Variants in BTBD9 observed in about 807,000 individuals in gnomAD.
The protein encoded by BTBD9 is BTB domain containing 9.
BTBD9 carries 49 observed loss-of-function variants against 64.3 expected under a neutral mutation model. That is an observed-to-expected ratio of 0.76 (90% confidence interval 0.61 to 0.97). The LOEUF (loss-of-function observed/expected upper bound fraction) is 0.97. BTBD9 is among the 50% of genes least tolerant of loss of function. The pLI is 0.00. For missense variants in BTBD9, 598 were observed against 762.1 expected (o/e 0.78, Z 2.53); for synonymous variants, 260 against 274.7 (o/e 0.95, Z 0.53).
intron 6 of BTBD9, among the ~76,000 whole-genome samples, chr6:38,486,070 C>A (rs1428448044): frequency 6.6e-6 from 1 of 152,158 alleles, no homozygotes; most frequent in Non-Finnish European, 1.5e-5. Context: ...ATGAATCAAC[C>A]TCTGCTAGCT....
intron 10 of BTBD9, chr6:38,179,799 G>A (rs1761465131): frequency 2.2e-6 from 1 of 456,684 alleles, no homozygotes; most frequent in African/African-American, 2.0e-5. Context: ...AGAGGTGTGT[G>A]AGAAACTAAT....
At chr6:38,315,470 GT>G (rs370701845) in intron 7 of BTBD9, among the ~76,000 whole-genome samples, 8 of 146,654 alleles carry the variant, frequency 5.5e-5, no homozygotes, top group East Asian at 4.0e-4. Context: ...CACAGTTTTG[GT>G]TTTTTTTTTA....
chr6:38,552,765 A>T (rs1023944880), intron 6 of BTBD9, among the ~76,000 whole-genome samples: 1 of 152,058 alleles, frequency 6.6e-6, no homozygotes. Context: ...AAAAAAAAAA[A>T]AAAGAAAGAG....
chr6:38,453,637 A>C (rs751032961), intron 6 of BTBD9, among the ~76,000 whole-genome samples: 1 of 152,172 alleles, frequency 6.6e-6, no homozygotes, highest in African/African-American at 2.4e-5. Flanking sequence ...CACCCCCCTG[A>C]GGACAGCCTG....
chr6:38,317,592 CT>C (rs1447854831), intron 7 of BTBD9, among the ~76,000 whole-genome samples: 1 of 152,178 alleles, frequency 6.6e-6, no homozygotes, highest in Non-Finnish European at 1.5e-5. Context: ...CTTTTTACCC[CT>C]ATCTCTACCT....
chr6:38,377,701 G>T (rs80353482), intron 6 of BTBD9, among the ~76,000 whole-genome samples: 1 of 152,132 alleles, frequency 6.6e-6, no homozygotes, highest in African/African-American at 2.4e-5. Flanking sequence ...ATTTGAGAAG[G>T]TTATTTTTTA....
At chr6:38,458,590 T>C (rs1769926533) in intron 6 of BTBD9, among the ~76,000 whole-genome samples, 1 of 152,182 alleles carries the variant, frequency 6.6e-6, no homozygotes, top group Non-Finnish European at 1.5e-5. Context: ...CAGCAAAAAC[T>C]AGAATAGACA....
Position 38,182,427 on chromosome 6 carries a change from GAA to G in BTBD9, c.1642-7247_1642-7246del, listed in dbSNP as rs199854541. The stretch of plus-strand genomic sequence containing the variant: ...TTTAGTTATTTTTTTGAAAAACTAA[GAA>G]ACAAAAAAAGGGAAGTGTTCTTGTT... On this transcript the variant is annotated intron_variant, in intron 10 of 10. Coordinates refer to ENST00000481247, the MANE Select transcript of BTBD9 (RefSeq NM_001099272.2). Among the ~76,000 whole-genome samples, 637 of 152,140 alleles carry G rather than the reference GAA, an allele frequency of 4.2e-3. 8 individuals carry two copies. The highest frequency in any genetic ancestry group is 0.015 in the African/African-American group (610 of 41,522).
At chr6:38,261,446 G>A (rs1424151901) in intron 8 of BTBD9, among the ~76,000 whole-genome samples, 1 of 152,038 alleles carries the variant, frequency 6.6e-6, no homozygotes, top group Non-Finnish European at 1.5e-5. Flanking sequence ...GCCTGTTTCT[G>A]TGCATCATCA....
chr6:38,432,024 G>A (rs922297476), intron 6 of BTBD9, among the ~76,000 whole-genome samples: 1 of 151,896 alleles, frequency 6.6e-6, no homozygotes, highest in African/African-American at 2.4e-5. Context: ...AGGGACTAAT[G>A]TTGCTCTTTC....
intron 9 of BTBD9, among the ~76,000 whole-genome samples, chr6:38,254,662 T>C (rs1764514356): frequency 6.6e-6 from 1 of 152,092 alleles, no homozygotes; most frequent in African/African-American, 2.4e-5. Flanking sequence ...CATGAAAAGA[T>C]GCTCAACATC....
Position 38,288,368 on chromosome 6 carries a change from T to C in BTBD9, c.1358A>G (p.Lys453Arg). Reference protein sequence around the residue: ...SRNALLNGDTKNYDWDSGYTC... With the variant: ...SRNALLNGDTRNYDWDSGYTC... ...GTAGCCAGAATCCCAGTCATAATTCTTAGTGTCCCCATTCAGCAAGGCATT... is the reference window on the plus strand; with the variant it reads ...GTAGCCAGAATCCCAGTCATAATTCCTAGTGTCCCCATTCAGCAAGGCATT... Residue 453 changes from lysine to arginine, a missense_variant, in exon 8 of 11, where the codon AAG (lysine) becomes AGG (arginine). Coordinates refer to ENST00000481247, the MANE Select transcript of BTBD9 (RefSeq NM_001099272.2). 2 of 1,614,200 alleles carry C rather than the reference T, an allele frequency of 1.2e-6. No homozygotes were observed. The highest frequency in any genetic ancestry group is 1.3e-5 in the African/African-American group (1 of 75,060).
chr6:38,341,679 A>T lies in BTBD9; in HGVS notation c.1264+3305T>A, dbSNP rs145740382. Among the ~76,000 whole-genome samples the T allele has an allele frequency of 3.4e-3, 525 of 152,358 alleles. 5 individuals carry two copies. The highest frequency in any genetic ancestry group is 0.011 in the African/African-American group (474 of 41,590). The stretch of plus-strand genomic sequence containing the variant: ...TGAACATTTATGAAATAGCAGTCAC[A>T]TCTCTTCTAATTACTTCTTCCATGT... On this transcript the variant is annotated intron_variant, in intron 7 of 10. Transcript: ENST00000481247.
intron 6 of BTBD9, among the ~76,000 whole-genome samples, chr6:38,381,080 T>A (rs1050453709): frequency 9.9e-5 from 15 of 151,828 alleles, no homozygotes; most frequent in East Asian, 7.7e-4. Flanking sequence ...AAGTAAAATT[T>A]AAAAAAATTC....
intron 6 of BTBD9, among the ~76,000 whole-genome samples, chr6:38,468,411 C>T (rs1340573563): frequency 6.6e-6 from 1 of 152,240 alleles, no homozygotes; most frequent in African/African-American, 2.4e-5. Flanking sequence ...TCCTTTCTCA[C>T]TCCTGTAACT....
chr6:38,616,948 C>A (rs1440914834), intron 1 of BTBD9, among the ~76,000 whole-genome samples: 1 of 152,310 alleles, frequency 6.6e-6, no homozygotes, highest in South Asian at 2.1e-4. Context: ...AAACTCCGGA[C>A]ACATCTTGGG....
chr6:38,398,475 C>T (rs2127630491), intron 6 of BTBD9, among the ~76,000 whole-genome samples: 1 of 152,238 alleles, frequency 6.6e-6, no homozygotes, highest in East Asian at 1.9e-4. Context: ...GAAGTAAATA[C>T]CCTCTTGAGG....
At chr6:38,377,104 C>T (rs1765720546) in intron 6 of BTBD9, among the ~76,000 whole-genome samples, 1 of 152,114 alleles carries the variant, frequency 6.6e-6, no homozygotes, top group Admixed American at 6.6e-5. Flanking sequence ...CATTTATAAC[C>T]ATCTTATTCT....
intron 9 of BTBD9, among the ~76,000 whole-genome samples, chr6:38,222,313 T>C (rs1275520287): frequency 1.6e-5 from 2 of 124,424 alleles, no homozygotes; most frequent in Non-Finnish European, 3.2e-5. Flanking sequence ...CAGGCTGGAA[T>C]GCAGTGGTGC....
Sources: allele counts gnomAD v4.1 joint callset (sites outside exome capture counted in the v4.1 genomes callset), GRCh38; gene constraint gnomAD v4.1.1; transcripts MANE v1.5; gene names NCBI Gene and HGNC (gene_info 2026-07-23, HGNC 2026-07-21).